Variants in ASIC2 observed in about 807,000 individuals in gnomAD.
ASIC2 encodes acid sensing ion channel subunit 2, also known as acid-sensing ion channel 2.
Under a neutral mutation model 57.3 loss-of-function variants are expected in ASIC2, and 25 were observed. The observed-to-expected ratio is 0.44, with a 90% CI of 0.32 to 0.61. The LOEUF (loss-of-function observed/expected upper bound fraction) is 0.61. Ranked by LOEUF, ASIC2 falls within the 20% of genes least tolerant of loss-of-function variation. The pLI, the probability that ASIC2 is intolerant of heterozygous loss-of-function variation, is 0.06. For missense variants in ASIC2, 641 were observed against 738.1 expected (o/e 0.87, Z 1.52); for synonymous variants, 319 against 307.5 (o/e 1.04, Z -0.39).
At chr17:33,918,336 G>C (rs1290138060) in intron 1 of ASIC2, among the ~76,000 whole-genome samples, 1 of 152,082 alleles carries the variant, frequency 6.6e-6, no homozygotes, top group Non-Finnish European at 1.5e-5. Flanking sequence ...TTTGTAACTT[G>C]TCTGCCCAAT....
At chr17:33,709,043 C>T (rs538212718) in intron 1 of ASIC2, among the ~76,000 whole-genome samples, 15 of 152,296 alleles carry the variant, frequency 9.8e-5, no homozygotes, top group Admixed American at 2.6e-4. Context: ...ACCTTTAAGC[C>T]GTCTGCCTGT....
Position 33,013,670 on chromosome 17 carries a change from G to A in ASIC2, c.*295C>T, listed in dbSNP as rs541403458. On this transcript the variant is annotated 3_prime_UTR_variant, in exon 10 of 10. Coordinates refer to ENST00000225823, the MANE Select transcript of ASIC2 (RefSeq NM_183377.2). The stretch of plus-strand genomic sequence containing the variant: ...AGACGTGGAGGTGGCGCCACAAGAA[G>A]TCTGAGCATGCAGGTGCTTTATACA... The A allele has an allele frequency of 4.6e-5, 19 of 414,994 alleles. No individual in the cohort carries two copies. The South Asian group carries it at 5.2e-4, about 11-fold the overall frequency. 25.7% of individuals were successfully genotyped at this position (414,994 alleles called of 1,614,324 possible). A position where few individuals can be genotyped will look rare whatever the true frequency, so the allele number is the denominator to read the frequency against.
chr17:34,106,518 T>C (rs1255913124), intron 1 of ASIC2, among the ~76,000 whole-genome samples: 2 of 152,184 alleles, frequency 1.3e-5, no homozygotes, highest in Non-Finnish European at 1.5e-5. Context: ...TGCATGTATG[T>C]ATGTATGCAC....
chr17:33,974,788 ATC>A (rs1567775263), intron 1 of ASIC2, among the ~76,000 whole-genome samples: 1 of 151,714 alleles, frequency 6.6e-6, no homozygotes, highest in African/African-American at 2.4e-5. Context: ...ATCCATTCAC[ATC>A]TGTGTCTAAG....
chr17:33,588,097 T>G (rs946828398), intron 1 of ASIC2, among the ~76,000 whole-genome samples: 1 of 152,210 alleles, frequency 6.6e-6, no homozygotes, highest in African/African-American at 2.4e-5. Flanking sequence ...CAAGGGACAT[T>G]TTAGTTTAAT....
intron 1 of ASIC2, among the ~76,000 whole-genome samples, chr17:33,589,707 C>T (rs1202580728): frequency 1.3e-5 from 2 of 152,202 alleles, no homozygotes; most frequent in East Asian, 3.9e-4. Context: ...TTTCCTTCCT[C>T]TCAAAGGCTG....
At chr17:34,039,027 C>T in intron 1 of ASIC2, 1 of 1,614,170 alleles carries the variant, frequency 6.2e-7, no homozygotes, top group Non-Finnish European at 8.5e-7. Context: ...TACACGCCAT[C>T]TTCTCTTGTT....
intron 1 of ASIC2, among the ~76,000 whole-genome samples, chr17:33,603,698 A>C (rs1054659667): frequency 2.0e-5 from 3 of 152,224 alleles, no homozygotes; most frequent in Non-Finnish European, 4.4e-5. Context: ...TGACCCATCT[A>C]TATGAGTTAC....
intron 1 of ASIC2, among the ~76,000 whole-genome samples, chr17:33,330,066 C>T (rs1028133507): frequency 1.3e-5 from 2 of 152,126 alleles, no homozygotes; most frequent in Non-Finnish European, 2.9e-5. Context: ...AGGTCACTTT[C>T]CCTCTCCTGT....
chr17:33,917,268 G>A (rs1915603990), intron 1 of ASIC2, among the ~76,000 whole-genome samples: 1 of 151,902 alleles, frequency 6.6e-6, no homozygotes, highest in Non-Finnish European at 1.5e-5. Flanking sequence ...GCTCTTCTTG[G>A]GTGTCCCAAC....
intron 1 of ASIC2, among the ~76,000 whole-genome samples, chr17:34,136,476 C>T (rs551381168): frequency 5.3e-5 from 8 of 152,328 alleles, no homozygotes; most frequent in African/African-American, 9.6e-5. Context: ...CACAACCCTA[C>T]TTACTTAATT....
intron 1 of ASIC2, among the ~76,000 whole-genome samples, chr17:33,959,281 C>T (rs1444336747): frequency 6.6e-6 from 1 of 152,184 alleles, no homozygotes; most frequent in African/African-American, 2.4e-5. Flanking sequence ...AAGTTGCCTC[C>T]ACATCTGTGG....
chr17:33,384,509 C>G (rs1005174185), intron 1 of ASIC2, among the ~76,000 whole-genome samples: 1 of 152,100 alleles, frequency 6.6e-6, no homozygotes, highest in African/African-American at 2.4e-5. Flanking sequence ...CCACATTTGA[C>G]AGGCTAAAAT....
At chr17:33,117,817 G>A (rs111715273) in intron 1 of ASIC2, among the ~76,000 whole-genome samples, 15 of 152,278 alleles carry the variant, frequency 9.9e-5, no homozygotes, top group African/African-American at 2.4e-4. Flanking sequence ...TCTGCTTTTC[G>A]GCAGAAGAGA....
At chr17:33,346,784 G>T (rs1597692700) in intron 1 of ASIC2, among the ~76,000 whole-genome samples, 1 of 152,304 alleles carries the variant, frequency 6.6e-6, no homozygotes, top group Middle Eastern at 3.4e-3. Flanking sequence ...GAGCCCTGAG[G>T]TGCTTCAATA....
At chr17:33,527,266 A>G (rs1401174503) in intron 1 of ASIC2, among the ~76,000 whole-genome samples, 2 of 152,178 alleles carry the variant, frequency 1.3e-5, no homozygotes, top group East Asian at 3.9e-4. Flanking sequence ...TCTTCAAGGA[A>G]AGCCAGAATC....
At chr17:33,179,633 C>T (rs1242942765) in intron 1 of ASIC2, among the ~76,000 whole-genome samples, 1 of 152,184 alleles carries the variant, frequency 6.6e-6, no homozygotes, top group Admixed American at 6.5e-5. Context: ...TATCTCAAAC[C>T]ACCCTCCTTA....
At chr17:34,094,208 G>C (rs1450116660) in intron 1 of ASIC2, among the ~76,000 whole-genome samples, 1 of 152,166 alleles carries the variant, frequency 6.6e-6, no homozygotes, top group Non-Finnish European at 1.5e-5. Flanking sequence ...AAAAACCACA[G>C]AGATGGATAA....
In ASIC2 at chr17:34,126,315, T is replaced by A. The variant is rs189600627; in HGVS notation, c.555+29663A>T. 2.0e-3 allele frequency among the ~76,000 whole-genome samples: 299 copies of A among 152,260 alleles called. 2 individuals carry two copies. Among genetic ancestry groups the A allele is most frequent in the African/African-American group, 6.8e-3 (281 of 41,556 alleles). On this transcript the variant is annotated intron_variant, in intron 1 of 9. Coordinates refer to the ASIC2 transcript ENST00000359872. ...TCATCTGTGACAGTTATTAGCCCAC[T>A]CCACTGCCTCATACTCAAAACCAAG... is the stretch of plus-strand genomic sequence containing the variant.
Sources: gnomAD v4.1 joint callset for allele counts (sites outside exome capture counted in the v4.1 genomes callset) on GRCh38, gnomAD v4.1.1 for gene constraint, MANE v1.5 for transcripts, NCBI Gene and HGNC (gene_info 2026-07-23, HGNC 2026-07-21) for gene names.